The following USP31 variants were observed in gnomAD, a reference collection of about 807,000 sequenced individuals.
USP31 encodes the protein ubiquitin carboxyl-terminal hydrolase 31.
Under a neutral mutation model 119.4 loss-of-function variants are expected in USP31, and 44 were observed. The ratio of observed to expected loss-of-function variants is 0.37; its 90% confidence interval spans 0.29 to 0.47. The LOEUF (loss-of-function observed/expected upper bound fraction) is 0.47, where lower values mean the gene tolerates loss of function less well. USP31 is among the 20% of genes least tolerant of loss of function. USP31 has a pLI of 0.99. For missense variants in USP31, 1,643 were observed against 1,730.2 expected (o/e 0.95, Z 0.89); for synonymous variants, 749 against 705.6 (o/e 1.06, Z -0.97).
intron 4 of USP31, 52 bp from the exon 5 acceptor site, chr16:23,105,628 T>C (rs1285158331): frequency 3.4e-6 from 5 of 1,474,590 alleles, no homozygotes; most frequent in African/African-American, 1.4e-5. Flanking sequence ...TCAACTAAAA[T>C]ATAGAAGATG....
intron 13 of USP31, among the ~76,000 whole-genome samples, chr16:23,077,385 T>C (rs946821795): frequency 5.9e-5 from 9 of 152,234 alleles, no homozygotes; most frequent in African/African-American, 2.2e-4. Context: ...TAAAAGATTA[T>C]TGTGTCCAGT....
chr16:23,130,570 T>A (rs1033837557), intron 1 of USP31, among the ~76,000 whole-genome samples: 1 of 152,238 alleles, frequency 6.6e-6, no homozygotes, highest in Non-Finnish European at 1.5e-5. Context: ...GTTGGAATTA[T>A]GTGCAAAGAC....
At chr16:23,141,521 G>A (rs1028465065) in intron 1 of USP31, among the ~76,000 whole-genome samples, 7 of 152,048 alleles carry the variant, frequency 4.6e-5, no homozygotes, top group Non-Finnish European at 1.0e-4. Context: ...GGAACCACAG[G>A]TGTGTGCCAC....
intron 10 of USP31, among the ~76,000 whole-genome samples, chr16:23,085,291 A>G (rs2141845892): frequency 6.6e-6 from 1 of 152,370 alleles, no homozygotes; most frequent in African/African-American, 2.4e-5. Flanking sequence ...ATTGCTTTCT[A>G]GAATTAATGG....
chr16:23,073,985 T>C, intron 13 of USP31, 105 bp from the exon 14 acceptor site: 1 of 1,498,744 alleles, frequency 6.7e-7, no homozygotes, highest in South Asian at 1.2e-5. Context: ...TCAAGAACGT[T>C]TTAAGGCTGC....
chr16:23,145,592 G>A (rs140551969), intron 1 of USP31, among the ~76,000 whole-genome samples: 13 of 152,278 alleles, frequency 8.5e-5, no homozygotes, highest in East Asian at 1.9e-4. Flanking sequence ...ACTTCCTGCC[G>A]TCCTGGGTAG....
intron 6 of USP31, 147 bp downstream of exon 6, chr16:23,102,167 ATTTTT>A: frequency 1.1e-6 from 1 of 873,588 alleles, no homozygotes. Context: ...TTACTATAAG[ATTTTT>A]ACCATTATAC....
intron 1 of USP31, among the ~76,000 whole-genome samples, chr16:23,147,896 A>G (rs1903569947): frequency 6.6e-6 from 1 of 152,160 alleles, no homozygotes; most frequent in Admixed American, 6.5e-5. Context: ...TGAGCACTGC[A>G]CTCCAGCCTG....
chr16:23,129,940 T>C (rs1471207747), intron 1 of USP31, among the ~76,000 whole-genome samples: 1 of 152,180 alleles, frequency 6.6e-6, no homozygotes, highest in Non-Finnish European at 1.5e-5. Flanking sequence ...GCCAGCAAAG[T>C]AGTCAGGGGA....
At chr16:23,139,441 A>G (rs1214693302) in intron 1 of USP31, among the ~76,000 whole-genome samples, 2 of 152,188 alleles carry the variant, frequency 1.3e-5, no homozygotes, top group East Asian at 3.8e-4. Flanking sequence ...ATAAACTGAT[A>G]TTTCTGCAGC....
At chr16:23,073,661 G>A (rs976804123) in intron 14 of USP31, 61 bp downstream of exon 14, 3 of 1,582,658 alleles carry the variant, frequency 1.9e-6, no homozygotes, top group African/African-American at 1.3e-5. Flanking sequence ...AGGTCCTCTA[G>A]ACCATTCATT....
intron 14 of USP31, 120 bp from the exon 15 acceptor site, chr16:23,072,317 A>G: frequency 7.3e-7 from 1 of 1,367,822 alleles, no homozygotes; most frequent in Non-Finnish European, 1.0e-6. Flanking sequence ...CCTCACCCCG[A>G]GGTCAGCATC....
At chr16:23,137,049 C>A (rs1247030015) in intron 1 of USP31, among the ~76,000 whole-genome samples, 1 of 152,032 alleles carries the variant, frequency 6.6e-6, no homozygotes, top group Non-Finnish European at 1.5e-5. Context: ...CCCATCTCTA[C>A]AAAAACACAA....
Position 23,064,671 on chromosome 16 carries a change from ATC to A in USP31, c.*3373_*3374del, listed in dbSNP as rs1452316056. 1 of 152,158 alleles carries A rather than the reference ATC, an allele frequency of 6.6e-6. No homozygotes were observed. 9.4% of individuals were successfully genotyped at this position (152,158 alleles called of 1,614,324 possible). A position where few individuals can be genotyped will look rare whatever the true frequency, so the allele number is the denominator to read the frequency against. ...AGCCGATTTGACCGGAATCCACGTG[ATC>A]TCTTTTCCCAGGAGAACTGTCACTC... is the stretch of plus-strand genomic sequence containing the variant. On this transcript the variant is annotated 3_prime_UTR_variant, in exon 16 of 16. Transcript: ENST00000219689.
intron 1 of USP31, among the ~76,000 whole-genome samples, chr16:23,143,979 GA>G (rs918530792): frequency 6.6e-6 from 1 of 152,168 alleles, no homozygotes; most frequent in African/African-American, 2.4e-5. Flanking sequence ...TGTGAAAAGA[GA>G]AAGGATAAAG....
intron 1 of USP31, among the ~76,000 whole-genome samples, chr16:23,115,220 C>A (rs1055841615): frequency 1.3e-5 from 2 of 149,944 alleles, no homozygotes; most frequent in Non-Finnish European, 3.0e-5. Flanking sequence ...GATTTTTTTT[C>A]ATAATTAAAC....
At chr16:23,125,308 C>T (rs530914246) in intron 1 of USP31, among the ~76,000 whole-genome samples, 5 of 152,294 alleles carry the variant, frequency 3.3e-5, no homozygotes, top group African/African-American at 1.2e-4. Context: ...AACTCATAGG[C>T]TCACAGATTT....
At chr16:23,112,625 T>C (rs953207373) in intron 1 of USP31, among the ~76,000 whole-genome samples, 3 of 152,048 alleles carry the variant, frequency 2.0e-5, no homozygotes, top group Admixed American at 1.3e-4. Context: ...CATCTTGAAA[T>C]GGTTTGGCTT....
chr16:23,127,251 A>C (rs1310230254), intron 1 of USP31, among the ~76,000 whole-genome samples: 1 of 151,968 alleles, frequency 6.6e-6, no homozygotes, highest in Non-Finnish European at 1.5e-5. Context: ...AACATAGTGA[A>C]ACAGTATCTC....
Sources: allele counts gnomAD v4.1 joint callset (sites outside exome capture counted in the v4.1 genomes callset), GRCh38; gene constraint gnomAD v4.1.1; transcripts MANE v1.5; gene names NCBI Gene and HGNC (gene_info 2026-07-23, HGNC 2026-07-21).